Variants in PPFIA3 observed in about 807,000 individuals in gnomAD.
The protein encoded by PPFIA3 is PPFI scaffold protein A3, also known as liprin-alpha-3.
A neutral mutation model predicts 145.8 loss-of-function variants in PPFIA3; 26 were observed. The ratio of observed to expected loss-of-function variants is 0.18; its 90% CI spans 0.13 to 0.25. The LOEUF (loss-of-function observed/expected upper bound fraction) is 0.25, where lower values mean the gene tolerates loss of function less well. PPFIA3 is among the 10% of genes least tolerant of loss of function. The pLI is 1.00. For missense variants in PPFIA3, 1,008 were observed against 1,587.8 expected, an observed-to-expected ratio of 0.63 and a Z score of 6.21; for synonymous variants, 645 against 661.4, an observed-to-expected ratio of 0.98 and a Z score of 0.38.
intron 16 of PPFIA3, among the ~76,000 whole-genome samples, chr19:49,139,323 C>CAA (rs1223957489): frequency 9.8e-5 from 11 of 111,962 alleles, no homozygotes; most frequent in Admixed American, 3.7e-4. Context: ...GACTCTGTCT[C>CAA]AAAAAAAAAA....
Position 49,139,744 on chromosome 19 carries a change from C to T in PPFIA3, c.2153C>T (p.Thr718Ile). 1 of 1,614,044 alleles carries T rather than the reference C, an allele frequency of 6.2e-7. No individual in the cohort carries two copies. The highest frequency in any genetic ancestry group is 8.5e-7 in the Non-Finnish European group (1 of 1,179,932). ...ATCCCAGGAGACACCCCACCACCCA[C>T]TCCCCGCTCTGCCCGTCTTGAGAGA... ...PAIPGDTPPP[T>I]PRSARLERMT... Residue 718 changes from threonine to isoleucine, a missense_variant, in exon 17 of 30, where the codon ACT becomes ATT. By Grantham distance (89) the Thr-to-Ile change is moderately conservative. Transcript: ENST00000334186.
chr19:49,128,258 A>G lies in PPFIA3; in HGVS notation c.241-109A>G. 1 of 1,491,154 alleles carries G rather than the reference A, an allele frequency of 6.7e-7. No homozygotes were observed. Among genetic ancestry groups the G allele is most frequent in the Non-Finnish European group, 9.3e-7 (1 of 1,079,586 alleles). The allele number at this position is 1,491,154 out of a possible 1,614,324, so 92.4% of individuals were successfully genotyped here. A position where few individuals can be genotyped will look rare whatever the true frequency, so the allele number is the denominator to read the frequency against. On this transcript the variant is annotated intron_variant, in intron 2 of 29. Coordinates refer to ENST00000334186, the MANE Select transcript of PPFIA3 (RefSeq NM_003660.4). The surrounding 1 kb of genome is among the most constrained non-coding windows in gnomAD (Gnocchi z 4.1). Reference sequence around the variant, plus strand: ...GGGCGGGGCCTGAGTGGCAAGGGACAGCGGGACTTAGCAGGGAGGGCGGGA... The same window carrying G: ...GGGCGGGGCCTGAGTGGCAAGGGACGGCGGGACTTAGCAGGGAGGGCGGGA...
intron 16 of PPFIA3, among the ~76,000 whole-genome samples, 164 bp from the exon 17 acceptor site, chr19:49,139,504 A>G (rs1006467242): frequency 6.6e-6 from 1 of 151,854 alleles, no homozygotes; most frequent in African/African-American, 2.4e-5. Flanking sequence ...AAAAAAAAAA[A>G]AAAAAGTTTC....
chr19:49,129,904 C>T, intron 5 of PPFIA3, 89 bp from the exon 6 acceptor site: 1 of 1,414,562 alleles, frequency 7.1e-7, no homozygotes, highest in Non-Finnish European at 9.9e-7. Flanking sequence ...TATGGGGCCG[C>T]CTATCCCCTT....
chr19:49,129,177 T>C (rs1403561996), intron 4 of PPFIA3, among the ~76,000 whole-genome samples, 165 bp downstream of exon 4: 8 of 152,186 alleles, frequency 5.3e-5, no homozygotes, highest in Admixed American at 5.2e-4. Context: ...ACCTGACTGG[T>C]TGATAGCAGA....
chr19:49,140,143 C>T (rs1462458750), intron 18 of PPFIA3, 55 bp downstream of exon 18: 1 of 1,569,624 alleles, frequency 6.4e-7, no homozygotes, highest in Non-Finnish European at 8.7e-7. Flanking sequence ...CTTCCTCCCT[C>T]CCTTTCTTTC....
In PPFIA3 at chr19:49,149,411, G is replaced by A. The variant is rs1025745620; in HGVS notation, c.3354+86G>A. On this transcript the variant is annotated intron_variant, in intron 27 of 29. Transcript: ENST00000334186. This position sits in a 1 kb window ranked among gnomAD's most constrained non-coding sequence, Gnocchi z 5.7. ...AGGGGGCGGGGCCTGACTATTAATGGTCACGGTTGGAGGCGGGGCCAGGAG... is the reference window on the plus strand; with the variant it reads ...AGGGGGCGGGGCCTGACTATTAATGATCACGGTTGGAGGCGGGGCCAGGAG... The A allele has an allele frequency of 1.1e-5, 18 of 1,591,880 alleles. No individual in the cohort carries two copies. The highest frequency in any genetic ancestry group is 2.2e-5 in the South Asian group (2 of 90,540).
intron 22 of PPFIA3, 52 bp downstream of exon 22, chr19:49,146,057 GT>G (rs746991702): frequency 8.1e-6 from 13 of 1,608,526 alleles, no homozygotes; most frequent in Middle Eastern, 3.3e-4. Flanking sequence ...TTCTTTGGGG[GT>G]GGGGGCGGGG....
chr19:49,145,869 CAGG>C lies in PPFIA3; in HGVS notation c.2746-69_2746-67del. 7 of 1,363,996 alleles carry C rather than the reference CAGG, an allele frequency of 5.1e-6. No homozygotes were observed. In the South Asian group the frequency reaches 7.0e-5, roughly 14 times the overall value. The allele number at this position is 1,363,996 out of a possible 1,614,324, so 84.5% of individuals were successfully genotyped here. On this transcript the variant is annotated intron_variant, in intron 21 of 29. Coordinates refer to ENST00000334186, the MANE Select transcript of PPFIA3 (RefSeq NM_003660.4). ...ACATAAACGTGTGGCCCAGGGCCTT[CAGG>C]AGGACACCCTCCTTCCTCTCCCCCA...
Position 49,149,382 on chromosome 19 carries a change from G to A in PPFIA3, c.3354+57G>A. On this transcript the variant is annotated intron_variant, in intron 27 of 29. Coordinates refer to ENST00000334186, the MANE Select transcript of PPFIA3 (RefSeq NM_003660.4). This position sits in a 1 kb window ranked among gnomAD's most constrained non-coding sequence, Gnocchi z 5.7. Reference sequence around the variant, plus strand: ...TCCCAGCGGCTCCTCGAGAGGCTGAGCTGAGGGGGCGGGGCCTGACTATTA... The same window carrying A: ...TCCCAGCGGCTCCTCGAGAGGCTGAACTGAGGGGGCGGGGCCTGACTATTA... 1.2e-6 allele frequency: 2 copies of A among 1,605,358 alleles called. No individual in the cohort carries two copies. The highest frequency in any genetic ancestry group is 1.1e-5 in the South Asian group (1 of 90,862).
intron 1 of PPFIA3, among the ~76,000 whole-genome samples, chr19:49,126,547 A>G (rs1474526038): frequency 6.8e-6 from 1 of 146,210 alleles, no homozygotes; most frequent in Non-Finnish European, 1.5e-5. Flanking sequence ...CACTGCGCCC[A>G]GTCCTGGCCT....
Position 49,134,132 on chromosome 19 carries a change from C to T in PPFIA3, c.1344C>T (p.His448=). The T allele has an allele frequency of 1.2e-6, 2 of 1,613,650 alleles. No homozygotes were observed. Among genetic ancestry groups the T allele is most frequent in the East Asian group, 4.5e-5 (2 of 44,874 alleles). ...AGTCCAACGAGCGCTTACAGCTTCA[C>T]CTCAAGGAGCGCATGGGGGCGCTGG... ...LSESNERLQL[H]LKERMGALEE... The change falls in exon 11 of 30, where the codon CAC becomes CAT. Residue 448 remains histidine, a synonymous_variant. Transcript: ENST00000334186.
In PPFIA3 at chr19:49,142,737, C is replaced by A. The variant is rs958660606; in HGVS notation, c.2545-67C>A. ...TTGCCTTTCCCCACCTCCCTGTTCC[C>A]CCATCTCTCCGATTTTCTCCTCCTC... On this transcript the variant is annotated intron_variant, in intron 20 of 29. Transcript: ENST00000334186. 7 of 1,448,868 alleles carry A rather than the reference C, an allele frequency of 4.8e-6. No individual in the cohort carries two copies. In the African/African-American group the frequency reaches 9.8e-5, roughly 20 times the overall value. 89.8% of individuals were successfully genotyped at this position (1,448,868 alleles called of 1,614,324 possible). A position where few individuals can be genotyped will look rare whatever the true frequency, so the allele number is the denominator to read the frequency against.
At chr19:49,138,970 CA>C (rs36111399) in intron 16 of PPFIA3, among the ~76,000 whole-genome samples, 90 of 140,658 alleles carry the variant, frequency 6.4e-4, no homozygotes, top group Admixed American at 5.7e-4. Context: ...AACTGTGTCT[CA>C]AAAAAAAAAA....
At chr19:49,123,509 C>T (rs906535181) in intron 1 of PPFIA3, among the ~76,000 whole-genome samples, 2 of 151,918 alleles carry the variant, frequency 1.3e-5, no homozygotes, top group South Asian at 2.1e-4. Context: ...GACGCAATCC[C>T]GGCTCACTGC....
rs1270252823 is a variant in PPFIA3, at chr19:49,127,844, C to T, written c.-15-15C>T. On this transcript the variant is annotated splice_polypyrimidine_tract_variant and intron_variant, in intron 1 of 29. Coordinates refer to ENST00000334186, the MANE Select transcript of PPFIA3 (RefSeq NM_003660.4). ...TGACAAGGCCGGTCTGTTCCTTGCC[C>T]TCCCCGCCCCGCAGGCCCGCACCGC... The T allele has an allele frequency of 6.3e-7, 1 of 1,588,230 alleles. No individual in the cohort carries two copies.
At position 49,133,186 on chromosome 19, in the gene PPFIA3, G is replaced by A. The variant is rs368474557; in HGVS notation, c.1026+39G>A. On this transcript the variant is annotated intron_variant, in intron 8 of 29. Coordinates refer to ENST00000334186, the MANE Select transcript of PPFIA3 (RefSeq NM_003660.4). This position sits in a 1 kb window ranked among gnomAD's most constrained non-coding sequence, Gnocchi z 7.2. ...CGGGAGGGGCGATGGGGGCGGTGCC[G>A]GGGCCCAAGTGACCCAGCCCGTCCC... is the stretch of plus-strand genomic sequence containing the variant. 1.9e-6 allele frequency: 3 copies of A among 1,584,188 alleles called. No individual in the cohort carries two copies. The highest frequency in any genetic ancestry group is 2.7e-5 in the African/African-American group (2 of 74,158).
chr19:49,144,317 T>C (rs2041257173), intron 21 of PPFIA3, among the ~76,000 whole-genome samples: 1 of 152,174 alleles, frequency 6.6e-6, no homozygotes, highest in Admixed American at 6.5e-5. Flanking sequence ...CCTACAATAT[T>C]TTAAATAGCT....
At chr19:49,137,660 T>TAAAAAAAAAA (rs1325560140) in intron 15 of PPFIA3, among the ~76,000 whole-genome samples, 4 of 57,462 alleles carry the variant, frequency 7.0e-5, no homozygotes, top group Non-Finnish European at 1.6e-4. Context: ...AAAAAAAAAG[T>TAAAAAAAAAA]CCCCAACTTA....
Sources: allele counts gnomAD v4.1 joint callset (sites outside exome capture counted in the v4.1 genomes callset), GRCh38; gene constraint gnomAD v4.1.1; non-coding constraint Gnocchi (gnomAD v3.1); transcripts MANE v1.5; gene names NCBI Gene and HGNC (gene_info 2026-07-23, HGNC 2026-07-21).